Variants in PLSCR5 observed in about 807,000 individuals in gnomAD.
PLSCR5 encodes the protein phospholipid scramblase family member 5, also known as phospholipid scramblase family, member 5.
PLSCR5 carries 44 observed loss-of-function variants against 33.6 expected under a neutral mutation model. The observed-to-expected ratio is 1.31, with a 90% CI of 1.03 to 1.69. PLSCR5 has a LOEUF of 1.69. PLSCR5 is among the 40% of genes most tolerant of loss of function. PLSCR5 has a pLI of 0.00. For missense variants in PLSCR5, 375 were observed against 318.7 expected, an observed-to-expected ratio of 1.18 and a Z score of -1.34; for synonymous variants, 148 against 112.3, an observed-to-expected ratio of 1.32 and a Z score of -2.01.
chr3:146,583,878 C>T (rs2044649342), downstream of PLSCR5, among the ~76,000 whole-genome samples: 1 of 152,094 alleles, frequency 6.6e-6, no homozygotes, highest in Non-Finnish European at 1.5e-5. Context: ...TTCTTTTTCC[C>T]ATTTTTGCCC....
downstream of PLSCR5, among the ~76,000 whole-genome samples, chr3:146,581,505 A>T (rs556707555): frequency 6.6e-6 from 1 of 152,356 alleles, no homozygotes; most frequent in East Asian, 1.9e-4. Flanking sequence ...AAGAGAGTTT[A>T]GAGCAGGGAC....
chr3:146,579,773 T>C (rs1368339025), intron 7 of PLSCR5, among the ~76,000 whole-genome samples: 1 of 152,222 alleles, frequency 6.6e-6, no homozygotes, highest in African/African-American at 2.4e-5. Context: ...GAAGAAAATA[T>C]TAGTTGAATC....
At chr3:146,586,296 G>A (rs1256654689) in intron 6 of PLSCR5, among the ~76,000 whole-genome samples, 184 bp from the exon 7 acceptor site, 1 of 152,070 alleles carries the variant, frequency 6.6e-6, no homozygotes, top group Non-Finnish European at 1.5e-5. Context: ...TTTTCATGTT[G>A]AATTTTCAGA....
Position 146,587,258 on chromosome 3 carries a change from C to T in PLSCR5, c.778-1146G>A, listed in dbSNP as rs915229137. Among the ~76,000 whole-genome samples the T allele has an allele frequency of 3.3e-5, 5 of 152,084 alleles. No individual in the cohort carries two copies. In the South Asian group the frequency reaches 6.2e-4, roughly 19 times the overall value. On this transcript the variant is annotated intron_variant, in intron 6 of 7. Transcript: ENST00000443512. Reference sequence around the variant, plus strand: ...TGAGTATGACCTAGATCAACCTTTACGGAACCTACATCTCATCAATCTCTC... The same window carrying T: ...TGAGTATGACCTAGATCAACCTTTATGGAACCTACATCTCATCAATCTCTC...
At chr3:146,585,309 T>C (rs2044658691), downstream of PLSCR5, among the ~76,000 whole-genome samples, 1 of 152,082 alleles carries the variant, frequency 6.6e-6, no homozygotes, top group Non-Finnish European at 1.5e-5. Context: ...TGCAAATAGA[T>C]AAAATTCCTG....
chr3:146,591,870 T>C lies in PLSCR5; in HGVS notation c.465A>G (p.Gln155=). Residue 155 remains glutamine (Q), a synonymous_variant, in exon 5 of 8, where the codon CAA becomes CAG. Coordinates refer to ENST00000443512, the MANE Select transcript of PLSCR5 (RefSeq NM_001085420.2). ...CPCYLQELEI[Q]APPGTIVGYV... ...AACCAACTATAGTACCAGGAGGGGC[T>C]TGGATTTCTAACTGTAAGAAGAGAT... 1 of 1,601,728 alleles carries C rather than the reference T, an allele frequency of 6.2e-7. No individual in the cohort carries two copies. Among genetic ancestry groups the C allele is most frequent in the African/African-American group, 1.3e-5 (1 of 74,550 alleles).
chr3:146,596,436 C>T (rs941084030), intron 2 of PLSCR5, among the ~76,000 whole-genome samples: 20 of 152,248 alleles, frequency 1.3e-4, no homozygotes, highest in African/African-American at 4.8e-4. Context: ...AGTGATCCAC[C>T]CATCTCAGCC....
chr3:146,594,337 A>C (rs896577916), intron 3 of PLSCR5, among the ~76,000 whole-genome samples, 197 bp from the exon 4 acceptor site: 3 of 152,108 alleles, frequency 2.0e-5, no homozygotes, highest in Non-Finnish European at 4.4e-5. Context: ...GGTGAGAATA[A>C]AGCTATATAA....
intron 7 of PLSCR5, among the ~76,000 whole-genome samples, chr3:146,580,405 T>C (rs894953138): frequency 2.6e-5 from 4 of 151,334 alleles, no homozygotes; most frequent in African/African-American, 9.7e-5. Flanking sequence ...TGGCTTCCTG[T>C]GCTTCTCAAA....
downstream of PLSCR5, among the ~76,000 whole-genome samples, chr3:146,585,513 T>C (rs2044659797): frequency 1.3e-5 from 2 of 152,104 alleles, no homozygotes; most frequent in Admixed American, 6.5e-5. Context: ...TACCCAACTT[T>C]TAACTTTTCC....
chr3:146,577,798 T>C (rs1231124417), intron 7 of PLSCR5, among the ~76,000 whole-genome samples: 1 of 152,146 alleles, frequency 6.6e-6, no homozygotes, highest in East Asian at 1.9e-4. Context: ...ACAAAATGAA[T>C]ACTCAATAGA....
At chr3:146,598,319 C>G (rs1307343898) in intron 2 of PLSCR5, among the ~76,000 whole-genome samples, 1 of 152,036 alleles carries the variant, frequency 6.6e-6, no homozygotes, top group Non-Finnish European at 1.5e-5. Context: ...GTGTCTCTTC[C>G]AGACTCATGG....
chr3:146,595,567 C>A (rs369868413), intron 2 of PLSCR5, among the ~76,000 whole-genome samples: 30 of 151,944 alleles, frequency 2.0e-4, no homozygotes, highest in African/African-American at 6.5e-4. Flanking sequence ...GCACAGTACA[C>A]TCCAGCCTAG....
chr3:146,605,328 C>G lies in PLSCR5; in HGVS notation c.-116G>C, dbSNP rs1460024724. 1 of 1,564,034 alleles carries G rather than the reference C, an allele frequency of 6.4e-7. No individual in the cohort carries two copies. Among genetic ancestry groups the G allele is most frequent in the African/African-American group, 1.4e-5 (1 of 73,364 alleles). On this transcript the variant is annotated 5_prime_UTR_variant, in exon 1 of 8. Transcript: ENST00000443512. ...AAAACTTCAGAACGTGTTTGTCTGC[C>G]TCTTGTCAGCTTACATATAACAGAG...
chr3:146,584,870 G>A (rs2044656311), downstream of PLSCR5, among the ~76,000 whole-genome samples: 1 of 152,090 alleles, frequency 6.6e-6, no homozygotes, highest in Non-Finnish European at 1.5e-5. Context: ...AGTAACAGAT[G>A]TTTAGCATAC....
chr3:146,588,253 G>A (rs549479024), intron 6 of PLSCR5, among the ~76,000 whole-genome samples: 3 of 152,188 alleles, frequency 2.0e-5, no homozygotes, highest in South Asian at 2.1e-4. Flanking sequence ...GGTGGATCAC[G>A]AGGTCAGAAG....
intron 5 of PLSCR5, among the ~76,000 whole-genome samples, chr3:146,590,661 T>C (rs929690079): frequency 2.0e-5 from 3 of 152,100 alleles, no homozygotes; most frequent in Non-Finnish European, 4.4e-5. Flanking sequence ...AAAACTCTTA[T>C]GTTTAAAGTC....
In PLSCR5 at chr3:146,589,750, T is replaced by C; in HGVS notation, c.680A>G (p.Asn227Ser). Residue 227 changes from asparagine (N) to serine (S), a missense_variant, in exon 6 of 8, where the codon AAT (asparagine) becomes AGT (serine). Physicochemically the swap from Asn to Ser is conservative, Grantham distance 46. Transcript: ENST00000443512. Reference sequence around the variant, plus strand: ...ATTGTCAGCATTTGTGAAGACATCATTTACAAATCCTGACCAGTACTTTGA... The same window carrying C: ...ATTGTCAGCATTTGTGAAGACATCACTTACAAATCCTGACCAGTACTTTGA... Reference protein sequence around the residue: ...KISKYWSGFVNDVFTNADNFG... With the variant: ...KISKYWSGFVSDVFTNADNFG... The C allele has an allele frequency of 6.3e-7, 1 of 1,597,096 alleles. No homozygotes were observed. Among genetic ancestry groups the C allele is most frequent in the Non-Finnish European group, 8.6e-7 (1 of 1,166,466 alleles).
chr3:146,595,909 A>T (rs1483631998), intron 2 of PLSCR5, among the ~76,000 whole-genome samples: 2 of 152,198 alleles, frequency 1.3e-5, no homozygotes, highest in Non-Finnish European at 2.9e-5. Context: ...CTGAAAGGTT[A>T]TTGTATACAT....
Sources: gnomAD v4.1 joint callset for allele counts (sites outside exome capture counted in the v4.1 genomes callset) on GRCh38, gnomAD v4.1.1 for gene constraint, MANE v1.5 for transcripts, NCBI Gene and HGNC (gene_info 2026-07-23, HGNC 2026-07-21) for gene names.